ZSCAN32: variants seen among roughly 807,000 people sequenced by gnomAD.
The protein encoded by ZSCAN32 is zinc finger and SCAN domain-containing protein 32.
In ZSCAN32, 52 loss-of-function variants were observed where a neutral mutation model predicts 47.4. The ratio of observed to expected loss-of-function variants is 1.10; its 90% confidence interval spans 0.88 to 1.38. The LOEUF is 1.38. Among genes scored for constraint, ZSCAN32 ranks in the 40% most tolerant of loss-of-function variants. The pLI, the probability that ZSCAN32 is intolerant of heterozygous loss-of-function variation, is 0.00. For synonymous variants in ZSCAN32, 346 were observed against 305.7 expected (o/e 1.13, Z -1.38); for missense variants, 959 against 846.0 (o/e 1.13, Z -1.66).
chr16:3,384,217 G>A (rs2031643907), intron 6 of ZSCAN32: 2 of 606,782 alleles, frequency 3.3e-6, no homozygotes, highest in South Asian at 2.1e-5. Flanking sequence ...ACAATGCATA[G>A]TGAAACTCCA....
Position 3,384,455 on chromosome 16 carries a change from T to C in ZSCAN32, c.1234+4A>G. On this transcript the variant is annotated splice_donor_region_variant and intron_variant, in intron 6 of 6. Coordinates refer to ENST00000396852, the MANE Select transcript of ZSCAN32 (RefSeq NM_001284527.2). ...TTTGACCATCAGAGCCAAGGGAGTC[T>C]TACCAAGTCTGTTTGGGAACAGCAC... The C allele has an allele frequency of 6.2e-7, 1 of 1,614,140 alleles. No homozygotes were observed. Among genetic ancestry groups the C allele is most frequent in the Non-Finnish European group, 8.5e-7 (1 of 1,179,988 alleles).
rs1321103213 is a variant in ZSCAN32, at chr16:3,390,481, T to C, written c.569A>G (p.Gln190Arg). ...CTCCTGGTCGTGGAGACCTGTGTTT[T>C]GAGGCAGGTTCCTGGGAGCCTGAGG... ...LAPQAPRNLP[Q>R]NTGLHDQETG... Residue 190 changes from glutamine (Q) to arginine (R), a missense_variant, in exon 4 of 7, where the codon CAA (glutamine) becomes CGA (arginine). Gln to Arg is a conservative substitution (Grantham distance 43). Transcript: ENST00000396852. The C allele has an allele frequency of 6.5e-7, 1 of 1,549,472 alleles. No individual in the cohort carries two copies. Among genetic ancestry groups the C allele is most frequent in the Non-Finnish European group, 8.7e-7 (1 of 1,146,922 alleles).
rs1033303354 is a variant in ZSCAN32 at position 3,397,309 on chromosome 16, C to T, written c.249G>A (p.Glu83=). The T allele has an allele frequency of 1.2e-5, 19 of 1,571,886 alleles. No homozygotes were observed. In the Admixed American group the frequency reaches 2.4e-4, roughly 20 times the overall value. ...CCTCTGGCAAGATAGTCAGAAACTG[C>T]TCCAAAACCAGCAGCTCCAGGATTT... The part of the protein sequence containing the change: ...KEEILELLVL[E]QFLTILPEEI... The change falls in exon 2 of 7, where the codon GAG becomes GAA. Residue 83 remains glutamate, a synonymous_variant. Transcript: ENST00000396852.
At chr16:3,387,677 T>C (rs948883414) in intron 5 of ZSCAN32, among the ~76,000 whole-genome samples, 1 of 152,230 alleles carries the variant, frequency 6.6e-6, no homozygotes, top group African/African-American at 2.4e-5. Context: ...TGCCATAGCC[T>C]ATCTGGTCTT....
In ZSCAN32 at chr16:3,384,671, G is replaced by C. The variant is rs1314327721; in HGVS notation, c.1022C>G (p.Ser341Cys). ...TGCCATAGGAGGTGCAGAGGCCCAGGAGCCTGAAAGAGCATTCATTTCCTC... is the reference window on the plus strand; with the variant it reads ...TGCCATAGGAGGTGCAGAGGCCCAGCAGCCTGAAAGAGCATTCATTTCCTC... ...FYEEMNALSG[S>C]WASAPPMASD... The change falls in exon 6 of 7, where the codon TCC becomes TGC. Residue 341 changes from serine to cysteine, a missense_variant. Coordinates refer to ENST00000396852, the MANE Select transcript of ZSCAN32 (RefSeq NM_001284527.2). 11 of 1,614,146 alleles carry C rather than the reference G, an allele frequency of 6.8e-6. No homozygotes were observed. The highest frequency in any genetic ancestry group is 3.3e-4 in the Middle Eastern group (2 of 6,062).
chr16:3,399,258 G>T (rs2033664636), intron 1 of ZSCAN32, among the ~76,000 whole-genome samples: 2 of 152,152 alleles, frequency 1.3e-5, no homozygotes, highest in African/African-American at 4.8e-5. Context: ...GTTCTGGTGG[G>T]GATATTAATT....
intron 1 of ZSCAN32, among the ~76,000 whole-genome samples, chr16:3,398,610 A>G (rs948621524): frequency 2.3e-4 from 35 of 152,188 alleles, no homozygotes; most frequent in African/African-American, 8.4e-4. Context: ...GTCTTCTCCC[A>G]GCCAAGATTC....
At chr16:3,389,894 T>C (rs1024986554) in intron 5 of ZSCAN32, 116 bp downstream of exon 5, 55 of 1,098,556 alleles carry the variant, frequency 5.0e-5, no homozygotes, top group Non-Finnish European at 6.7e-5. Flanking sequence ...ACTTCCTCCT[T>C]TCCCTCCACC....
At chr16:3,390,386 G>T (rs937608126) in intron 4 of ZSCAN32, 37 bp downstream of exon 4, 2 of 1,510,610 alleles carry the variant, frequency 1.3e-6, no homozygotes, top group South Asian at 1.2e-5. Context: ...GGTGAGAGTG[G>T]GTACTCAAGA....
rs759812156 is a variant in ZSCAN32 at position 3,383,131 on chromosome 16, G to C, written c.1815C>G (p.Tyr605Ter). ...HQRTHTGEKP[Y>*]QCIVCGKRFN... ...ATCTCTTTCCACAGACAATGCACTG[G>C]TAAGGCTTTTCCCCGGTATGGGTCC... The change falls in exon 7 of 7, where the codon TAC (tyrosine) becomes TAG (stop). Residue 605 changes from tyrosine to a stop codon, truncating the protein, a stop_gained. Transcript: ENST00000396852. LOFTEE classifies it low-confidence loss of function (END_TRUNC). The C allele has an allele frequency of 1.9e-6, 3 of 1,614,190 alleles. No individual in the cohort carries two copies. The South Asian group carries it at 3.3e-5, about 18-fold the overall frequency.
chr16:3,387,638 G>A (rs1361963400), intron 5 of ZSCAN32, among the ~76,000 whole-genome samples: 1 of 152,108 alleles, frequency 6.6e-6, no homozygotes, highest in Non-Finnish European at 1.5e-5. Context: ...TCTCCACACT[G>A]AGCCACCATC....
At position 3,392,452 on chromosome 16, in the gene ZSCAN32, A is replaced by G. The variant is rs554077060; in HGVS notation, c.532+1197T>C. Among the ~76,000 whole-genome samples, 65 of 148,818 alleles carry G rather than the reference A, an allele frequency of 4.4e-4. 1 individual carries two copies. The highest frequency in any genetic ancestry group is 1.1e-3 in the Admixed American group (16 of 14,816). ...TGGTCTCGACTCCTAGGCTCAAGCTATCCTCCCGCTTCAGCCTCCCAAAGT... is the reference window on the plus strand; with the variant it reads ...TGGTCTCGACTCCTAGGCTCAAGCTGTCCTCCCGCTTCAGCCTCCCAAAGT... On this transcript the variant is annotated intron_variant, in intron 3 of 6. Transcript: ENST00000396852.
Position 3,383,688 on chromosome 16 carries a change from T to A in ZSCAN32, c.1258A>T (p.Lys420Ter), listed in dbSNP as rs756191562. The A allele has an allele frequency of 3.8e-6, 6 of 1,588,146 alleles. No individual in the cohort carries two copies. Among genetic ancestry groups the A allele is most frequent in the Non-Finnish European group, 5.1e-6 (6 of 1,173,076 alleles). The change falls in exon 7 of 7, where the codon AAA becomes TAA. Residue 420 changes from lysine to a stop codon, truncating the protein, a stop_gained. Coordinates refer to ENST00000396852, the MANE Select transcript of ZSCAN32 (RefSeq NM_001284527.2). LOFTEE classifies it low-confidence loss of function (END_TRUNC). ...TCATCCCATTTTAGATTTTCTTTTT[T>A]AATCTCGTTCTTGAACTCAAAACCT... is the stretch of plus-strand genomic sequence containing the variant. ...RLGFEFKNEIKKENLKWDDSE... is the reference protein window; with the variant it reads ...RLGFEFKNEI
chr16:3,397,410 C>T lies in ZSCAN32; in HGVS notation c.148G>A (p.Gly50Ser). The part of the protein sequence containing the change: ...FRQFCYQEVT[G>S]PHEAFSKLWE... ...AGTTTGCTAAAAGCTTCATGTGGGC[C>T]AGTTACCTCCTGGTAGCAAAACTGC... Residue 50 changes from glycine to serine, a missense_variant, in exon 2 of 7, where the codon GGC (glycine) becomes AGC (serine). By Grantham distance (56) the Gly-to-Ser change is moderately conservative (BLOSUM62 0). Coordinates refer to ENST00000396852, the MANE Select transcript of ZSCAN32 (RefSeq NM_001284527.2). The T allele has an allele frequency of 1.3e-6, 2 of 1,552,592 alleles. No individual in the cohort carries two copies. The highest frequency in any genetic ancestry group is 1.7e-6 in the Non-Finnish European group (2 of 1,148,198).
At chr16:3,390,226 G>A in intron 4 of ZSCAN32, 93 bp from the exon 5 acceptor site, 1 of 1,484,254 alleles carries the variant, frequency 6.7e-7, no homozygotes, top group Non-Finnish European at 9.0e-7. Flanking sequence ...TCAGATCAGG[G>A]GCAAGGCAAA....
Position 3,393,774 on chromosome 16 carries a change from T to G in ZSCAN32, c.407A>C (p.Glu136Ala). Residue 136 changes from glutamate (E) to alanine (A), a missense_variant, in exon 3 of 7, where the codon GAG becomes GCG. Glu to Ala is a moderately radical substitution (Grantham distance 107). Transcript: ENST00000396852. The part of the protein sequence containing the change: ...SEKDLKVLMK[E>A]MAPLGATRES... ...TCTGGTTGCTCCCAAAGGGGCCATC[T>G]CCTTCATGAGTACTTTCAAGTCCTT... is the stretch of plus-strand genomic sequence containing the variant. 1 of 1,550,220 alleles carries G rather than the reference T, an allele frequency of 6.5e-7. No individual in the cohort carries two copies. Among genetic ancestry groups the G allele is most frequent in the South Asian group, 1.2e-5 (1 of 84,048 alleles).
rs1357811964 is a variant in ZSCAN32 at position 3,382,463 on chromosome 16, AACTTTT to A, written c.*383_*388del. 6.2e-6 allele frequency: 1 copy of A among 162,030 alleles called. No individual in the cohort carries two copies. The highest frequency in any genetic ancestry group is 2.4e-5 in the African/African-American group (1 of 41,858). The allele number at this position is 162,030 out of a possible 1,614,324, so 10.0% of individuals were successfully genotyped here. On this transcript the variant is annotated 3_prime_UTR_variant, in exon 7 of 7. Coordinates refer to ENST00000396852, the MANE Select transcript of ZSCAN32 (RefSeq NM_001284527.2). Reference sequence around the variant, plus strand: ...TGGTTTAGAAGAGATTCAGGCCCTTAACTTTTACATGTGCTTTCCAGGAAAGGAGAC... The same window carrying A: ...TGGTTTAGAAGAGATTCAGGCCCTTAACATGTGCTTTCCAGGAAAGGAGAC...
chr16:3,382,282 G>A lies in ZSCAN32; in HGVS notation c.*570C>T, dbSNP rs2031313743. 1 of 152,198 alleles carries A rather than the reference G, an allele frequency of 6.6e-6. No individual in the cohort carries two copies. Among genetic ancestry groups the A allele is most frequent in the Admixed American group, 6.6e-5 (1 of 15,264 alleles). The allele number at this position is 152,198 out of a possible 1,614,324, so 9.4% of individuals were successfully genotyped here. A position where few individuals can be genotyped will look rare whatever the true frequency, so the allele number is the denominator to read the frequency against. ...AACCTGGATGTTGTGCTTGCTCTAA[G>A]GTTAAGTCACTTAGGGAAACAGATT... On this transcript the variant is annotated 3_prime_UTR_variant, in exon 7 of 7. Transcript: ENST00000396852.
Position 3,382,362 on chromosome 16 carries a change from G to A in ZSCAN32, c.*490C>T, listed in dbSNP as rs2031322539. On this transcript the variant is annotated 3_prime_UTR_variant, in exon 7 of 7. Coordinates refer to ENST00000396852, the MANE Select transcript of ZSCAN32 (RefSeq NM_001284527.2). Reference sequence around the variant, plus strand: ...CCTTCTTTCTGTTTGCTTTTTGGTGGTGGCTGGGTTACAAAGAGCAGTGTC... The same window carrying A: ...CCTTCTTTCTGTTTGCTTTTTGGTGATGGCTGGGTTACAAAGAGCAGTGTC... The A allele has an allele frequency of 6.6e-6, 1 of 152,546 alleles. No individual in the cohort carries two copies. The allele number at this position is 152,546 out of a possible 1,614,324, so 9.4% of individuals were successfully genotyped here. A position where few individuals can be genotyped will look rare whatever the true frequency, so the allele number is the denominator to read the frequency against.
Sources: allele counts gnomAD v4.1 joint callset (sites outside exome capture counted in the v4.1 genomes callset), GRCh38; gene constraint gnomAD v4.1.1; transcripts MANE v1.5; gene names NCBI Gene and HGNC (gene_info 2026-07-23, HGNC 2026-07-21).